The following MYO1F variants were observed in gnomAD, a reference collection of about 807,000 sequenced individuals.
MYO1F encodes the protein myosin IF.
In MYO1F, 60 loss-of-function variants were observed where a neutral mutation model predicts 146.6. The ratio of observed to expected loss-of-function variants is 0.41; its 90% CI spans 0.33 to 0.51. MYO1F has a LOEUF of 0.51. MYO1F is among the 20% of genes least tolerant of loss of function. The pLI is 0.25. For synonymous variants in MYO1F, 602 were observed against 602.1 expected (o/e 1.00, Z 0.00); for missense variants, 1,274 against 1,534.3 (o/e 0.83, Z 2.83).
rs185820623 is a variant in MYO1F at position 8,539,791 on chromosome 19, G to T, written c.1692+156C>A. On this transcript the variant is annotated intron_variant, in intron 16 of 27. Transcript: ENST00000644032. Reference sequence around the variant, plus strand: ...CTCCCTAAACCCAGAGCTGGAGGAAGACCCTGCTGAACAGATGACGTCACA... The same window carrying T: ...CTCCCTAAACCCAGAGCTGGAGGAATACCCTGCTGAACAGATGACGTCACA... Among the ~76,000 whole-genome samples the T allele has an allele frequency of 4.7e-4, 72 of 152,280 alleles. 1 individual carries two copies. The highest frequency in any genetic ancestry group is 3.3e-3 in the Admixed American group (51 of 15,272).
rs782323052 is a variant in MYO1F at position 8,577,370 on chromosome 19, G to T, written c.-61C>A. 4 of 1,603,412 alleles carry T rather than the reference G, an allele frequency of 2.5e-6. No individual in the cohort carries two copies. The highest frequency in any genetic ancestry group is 3.4e-6 in the Non-Finnish European group (4 of 1,170,968). ...TGAATGGGTCGTGATGGAGGTGCAG[G>T]TTCAGGGGGATCTTGGGGGTGGCTT... On this transcript the variant is annotated 5_prime_UTR_variant, in exon 1 of 28. Transcript: ENST00000644032. The surrounding 1 kb of genome is among the most constrained non-coding windows in gnomAD (Gnocchi z 4.3).
At position 8,530,663 on chromosome 19, in the gene MYO1F, A is replaced by G. The variant is rs1201728364; in HGVS notation, c.2044-90T>C. 9.6e-7 allele frequency: 1 copy of G among 1,044,172 alleles called. No homozygotes were observed. Among genetic ancestry groups the G allele is most frequent in the Non-Finnish European group, 1.5e-6 (1 of 678,144 alleles). The allele number at this position is 1,044,172 out of a possible 1,614,324, so 64.7% of individuals were successfully genotyped here. The stretch of plus-strand genomic sequence containing the variant: ...TTTTCCCTGCGCTCACCCTACTCAC[A>G]CGCTTTTGCTCACCCATCCCCACAC... On this transcript the variant is annotated intron_variant, in intron 19 of 27. Coordinates refer to ENST00000644032, the MANE Select transcript of MYO1F (RefSeq NM_012335.4). The surrounding 1 kb of genome is among the most constrained non-coding windows in gnomAD (Gnocchi z 5.8).
chr19:8,556,245 G>A (rs1162350686), intron 1 of MYO1F, among the ~76,000 whole-genome samples: 1 of 151,008 alleles, frequency 6.6e-6, no homozygotes, highest in Middle Eastern at 3.2e-3. Flanking sequence ...GGCCAGGCTG[G>A]TCTGGAACTC....
chr19:8,536,466 G>A (rs183420008), intron 18 of MYO1F, 33 bp downstream of exon 18: 2 of 1,610,986 alleles, frequency 1.2e-6, no homozygotes, highest in East Asian at 2.2e-5. Context: ...CTGATGAAGG[G>A]GATGGCGAGG....
chr19:8,569,998 C>CA (rs1211014385), intron 1 of MYO1F, among the ~76,000 whole-genome samples: 2 of 152,142 alleles, frequency 1.3e-5, no homozygotes, highest in Non-Finnish European at 2.9e-5. Flanking sequence ...CTTGACCTCC[C>CA]AGGCTCAAGC....
At chr19:8,522,902 G>T in intron 25 of MYO1F, 73 bp from the exon 26 acceptor site, 2 of 1,357,722 alleles carry the variant, frequency 1.5e-6, no homozygotes, top group Non-Finnish European at 1.0e-6. Context: ...TTGGCTTCAA[G>T]TTCTCAGGCT....
chr19:8,555,525 T>C (rs1369911567), intron 2 of MYO1F, 134 bp downstream of exon 2: 1 of 1,237,164 alleles, frequency 8.1e-7, no homozygotes, highest in Admixed American at 1.9e-5. Flanking sequence ...GCTGTCACTC[T>C]GTCTGTCCTC....
rs756797956 is a variant in MYO1F, at chr19:8,521,533, T to G, written c.3292A>C (p.Ile1098Leu). 1.9e-6 allele frequency: 3 copies of G among 1,614,094 alleles called. No homozygotes were observed. Among genetic ancestry groups the G allele is most frequent in the Non-Finnish European group, 2.5e-6 (3 of 1,179,996 alleles). Residue 1098 changes from isoleucine (I) to leucine (L), a missense_variant, in exon 28 of 28, where the codon ATC becomes CTC. Ile to Leu is a conservative substitution (Grantham distance 5). This residue lies in a region of MYO1F where 374 missense variants were observed against 379.2 expected (regional missense o/e 0.99). Coordinates refer to ENST00000644032, the MANE Select transcript of MYO1F (RefSeq NM_012335.4). ...GCAGTATCCCAGGGCCCAGCTCAGA[T>G]CTTCTCCACGTAGTTTCCTGGGAAA... ...GLFPGNYVEKI is the reference protein window; with the variant it reads ...GLFPGNYVEKL
In MYO1F at chr19:8,554,548, G is replaced by A; in HGVS notation, c.255C>T (p.His85=). ...QGAAQYENPP[H]IYALTDNMYR... The stretch of plus-strand genomic sequence containing the variant: ...ACATGTTGTCCGTGAGGGCGTAGAT[G>A]TGCGGGGGATTCTCATACTGGGCCT... Residue 85 remains histidine (H), a synonymous_variant, in exon 4 of 28, where the codon CAC becomes CAT. Transcript: ENST00000644032. 6.2e-7 allele frequency: 1 copy of A among 1,613,720 alleles called. No homozygotes were observed. Among genetic ancestry groups the A allele is most frequent in the Non-Finnish European group, 8.5e-7 (1 of 1,179,700 alleles).
chr19:8,543,536 T>C (rs1045894376), intron 14 of MYO1F, among the ~76,000 whole-genome samples: 2 of 151,716 alleles, frequency 1.3e-5, no homozygotes, highest in Admixed American at 1.3e-4. Flanking sequence ...CTGGTGTTAA[T>C]CGGGGGGAAT....
Position 8,554,542 on chromosome 19 carries a change from G to A in MYO1F, c.261C>T (p.Tyr87=), listed in dbSNP as rs760502173. 9.3e-6 allele frequency: 15 copies of A among 1,613,514 alleles called. No individual in the cohort carries two copies. Among genetic ancestry groups the A allele is most frequent in the Admixed American group, 3.3e-5 (2 of 59,978 alleles). Residue 87 remains tyrosine (Y), a synonymous_variant, in exon 4 of 28, where the codon TAC becomes TAT. Transcript: ENST00000644032. ...TCCGGTACATGTTGTCCGTGAGGGC[G>A]TAGATGTGCGGGGGATTCTCATACT... ...AAQYENPPHI[Y]ALTDNMYRNM...
chr19:8,553,218 T>G lies in MYO1F; in HGVS notation c.425A>C (p.Asp142Ala). The G allele has an allele frequency of 6.2e-7, 1 of 1,614,132 alleles. No individual in the cohort carries two copies. Among genetic ancestry groups the G allele is most frequent in the Non-Finnish European group, 8.5e-7 (1 of 1,180,022 alleles). Reference sequence around the variant, plus strand: ...CAGCGGGTTGGACTGCAGGATGATATCTTTGACGTGCTGGGGCAGAGGCAG... The same window carrying G: ...CAGCGGGTTGGACTGCAGGATGATAGCTTTGACGTGCTGGGGCAGAGGCAG... ...GGGEKVQHVKDIILQSNPLLE... is the reference protein window; with the variant it reads ...GGGEKVQHVKAIILQSNPLLE... Residue 142 changes from aspartate to alanine, a missense_variant, in exon 6 of 28, where the codon GAT (aspartate) becomes GCT (alanine). Physicochemically the swap from Asp to Ala is moderately radical, Grantham distance 126 (BLOSUM62 -2). Coordinates refer to ENST00000644032, the MANE Select transcript of MYO1F (RefSeq NM_012335.4).
rs575417254 is a variant in MYO1F at position 8,558,059 on chromosome 19, C to T, written c.4-2263G>A. On this transcript the variant is annotated intron_variant, in intron 1 of 27. Coordinates refer to ENST00000644032, the MANE Select transcript of MYO1F (RefSeq NM_012335.4). ...AGCCCTGCCTCCCTGCTGCCCCTGC[C>T]GTGGCCTTCTCCTCTGTGTCCCTTC... Among the ~76,000 whole-genome samples the T allele has an allele frequency of 1.6e-4, 25 of 152,272 alleles. No homozygotes were observed. The East Asian group carries it at 2.9e-3, about 18-fold the overall frequency.
intron 1 of MYO1F, among the ~76,000 whole-genome samples, chr19:8,571,789 G>C (rs2042114576): frequency 6.6e-6 from 1 of 151,888 alleles, no homozygotes. Flanking sequence ...AGTAGAGACG[G>C]GGTTTCACCA....
In MYO1F at chr19:8,551,254, G is replaced by T. The variant is rs550598696; in HGVS notation, c.771+486C>A. ...CTTAATAAAGATGGGGTTTCACTAT[G>T]TTGGCCAGGCTGGTCTTGAACTCCT... On this transcript the variant is annotated intron_variant, in intron 8 of 27. Coordinates refer to ENST00000644032, the MANE Select transcript of MYO1F (RefSeq NM_012335.4). Among the ~76,000 whole-genome samples the T allele has an allele frequency of 5.3e-4, 80 of 151,512 alleles. No homozygotes were observed. The Middle Eastern group carries it at 0.024, about 45-fold the overall frequency.
intron 19 of MYO1F, among the ~76,000 whole-genome samples, chr19:8,531,088 C>G (rs1357399312): frequency 6.6e-6 from 1 of 151,860 alleles, no homozygotes; most frequent in African/African-American, 2.4e-5. Flanking sequence ...TGGCTCATGC[C>G]TATAATCCCA....
intron 10 of MYO1F, among the ~76,000 whole-genome samples, chr19:8,548,856 G>C (rs568927178): frequency 8.3e-4 from 126 of 151,992 alleles, no homozygotes; most frequent in Middle Eastern, 3.4e-3. Flanking sequence ...CCAAAGTGCC[G>C]GGATTACAGG....
chr19:8,556,085 G>C lies in MYO1F; in HGVS notation c.4-289C>G, dbSNP rs1051289575. On this transcript the variant is annotated intron_variant, in intron 1 of 27. Transcript: ENST00000644032. ...ACTCTGTCAGTCAGGCTGGGGTGCAGTGGCGTGATCTCTGCTCACTGCAAC... is the reference window on the plus strand; with the variant it reads ...ACTCTGTCAGTCAGGCTGGGGTGCACTGGCGTGATCTCTGCTCACTGCAAC... Among the ~76,000 whole-genome samples, 3 of 151,620 alleles carry C rather than the reference G, an allele frequency of 2.0e-5. No individual in the cohort carries two copies. In the East Asian group the frequency reaches 6.0e-4, roughly 30 times the overall value.
chr19:8,561,473 TC>T (rs1487902848), intron 1 of MYO1F, among the ~76,000 whole-genome samples: 1 of 98,322 alleles, frequency 1.0e-5, no homozygotes, highest in African/African-American at 5.4e-5. Context: ...TCTCTCTCTT[TC>T]TTTTTCTCTT....
Sources: gnomAD v4.1 joint callset for allele counts (sites outside exome capture counted in the v4.1 genomes callset) on GRCh38, gnomAD v4.1.1 for gene constraint, gnomAD v4.1.1 regional missense constraint, Gnocchi (gnomAD v3.1) non-coding constraint, MANE v1.5 for transcripts, NCBI Gene and HGNC (gene_info 2026-07-23, HGNC 2026-07-21) for gene names.